The following CADPS2 variants were observed in gnomAD, a reference collection of about 807,000 sequenced individuals.
The protein encoded by CADPS2 is calcium dependent secretion activator 2.
A neutral mutation model predicts 172.5 loss-of-function variants in CADPS2; 93 were observed. The observed-to-expected ratio is 0.54, with a 90% CI of 0.46 to 0.64. CADPS2 has a LOEUF of 0.64. CADPS2 is among the 30% of genes least tolerant of loss of function. CADPS2 has a pLI of 0.00. For missense variants in CADPS2, 1,420 were observed against 1,565.9 expected, an observed-to-expected ratio of 0.91 and a Z score of 1.57; for synonymous variants, 546 against 555.2, an observed-to-expected ratio of 0.98 and a Z score of 0.23.
chr7:122,802,597 A>G (rs1300709584), intron 1 of CADPS2, among the ~76,000 whole-genome samples: 4 of 152,210 alleles, frequency 2.6e-5, no homozygotes, highest in Non-Finnish European at 4.4e-5. Context: ...ACAACTAAAC[A>G]ATGCTTACCC....
intron 5 of CADPS2, among the ~76,000 whole-genome samples, chr7:122,617,151 A>G (rs895837202): frequency 2.0e-5 from 3 of 152,154 alleles, no homozygotes; most frequent in African/African-American, 7.2e-5. Context: ...GCTACTGTAA[A>G]CATGACCTCC....
intron 2 of CADPS2, among the ~76,000 whole-genome samples, chr7:122,694,120 G>T (rs2084766775): frequency 1.3e-5 from 2 of 152,202 alleles, no homozygotes; most frequent in South Asian, 2.1e-4. Context: ...GTAGGCAAAT[G>T]ATATTGTAGG....
At chr7:122,589,893 A>C (rs929671367) in intron 6 of CADPS2, among the ~76,000 whole-genome samples, 1 of 151,920 alleles carries the variant, frequency 6.6e-6, no homozygotes, top group African/African-American at 2.4e-5. Flanking sequence ...AAAGGTTTGC[A>C]ATCATTTATT....
At chr7:122,629,129 G>A (rs1281824832) in intron 4 of CADPS2, 119 bp downstream of exon 4, 3 of 685,632 alleles carry the variant, frequency 4.4e-6, no homozygotes, top group East Asian at 2.9e-5. Flanking sequence ...GTGTAGAGGA[G>A]AAAATGTTAA....
intron 3 of CADPS2, among the ~76,000 whole-genome samples, chr7:122,632,496 T>G (rs1464307658): frequency 1.3e-5 from 2 of 152,180 alleles, no homozygotes; most frequent in East Asian, 3.9e-4. Flanking sequence ...TTTTGGCCAC[T>G]TGTACATCTT....
At chr7:122,395,799 GGATTT>G in intron 20 of CADPS2, among the ~76,000 whole-genome samples, 1 of 151,498 alleles carries the variant, frequency 6.6e-6, no homozygotes, top group East Asian at 1.9e-4. Flanking sequence ...CTACGAGGGA[GGATTT>G]TTTTTTTCTT....
intron 8 of CADPS2, among the ~76,000 whole-genome samples, chr7:122,548,377 AT>A (rs1352746364): frequency 1.3e-5 from 2 of 152,082 alleles, no homozygotes; most frequent in Non-Finnish European, 2.9e-5. Flanking sequence ...TGTCTAAAAA[AT>A]TTTTTTAAAT....
chr7:122,606,787 C>A (rs1323723450), intron 6 of CADPS2, among the ~76,000 whole-genome samples: 1 of 152,018 alleles, frequency 6.6e-6, no homozygotes, highest in Non-Finnish European at 1.5e-5. Flanking sequence ...CTTCAAGGAT[C>A]TTCCACCTTA....
intron 2 of CADPS2, among the ~76,000 whole-genome samples, chr7:122,671,856 C>A (rs1187495489): frequency 2.6e-5 from 4 of 152,288 alleles, no homozygotes; most frequent in Admixed American, 2.6e-4. Flanking sequence ...CTAGGGCAGA[C>A]TTTAAAGCTG....
intron 1 of CADPS2, among the ~76,000 whole-genome samples, chr7:122,866,063 A>G (rs1818239877): frequency 6.6e-6 from 1 of 152,238 alleles, no homozygotes; most frequent in African/African-American, 2.4e-5. Flanking sequence ...GTGACTGGGA[A>G]TGGGAAAAAG....
chr7:122,456,486 T>A (rs531135581), intron 14 of CADPS2, among the ~76,000 whole-genome samples: 1 of 152,146 alleles, frequency 6.6e-6, no homozygotes, highest in Non-Finnish European at 1.5e-5. Flanking sequence ...AAAGGCTTAA[T>A]ATATGAAAAA....
intron 6 of CADPS2, among the ~76,000 whole-genome samples, chr7:122,592,988 GAATAAATAAATA>G (rs141800604): frequency 9.4e-4 from 140 of 148,244 alleles, no homozygotes; most frequent in African/African-American, 3.3e-3. Flanking sequence ...GAAGTAAAAT[GAATAAATAAATA>G]AATAAATAAA....
chr7:122,325,661 T>C, intron 28 of CADPS2, 80 bp from the exon 29 acceptor site: 1 of 800,284 alleles, frequency 1.2e-6, no homozygotes, highest in Non-Finnish European at 2.1e-6. Context: ...ACAGATTCGA[T>C]AATGAGGGGG....
intron 17 of CADPS2, among the ~76,000 whole-genome samples, chr7:122,434,900 T>A (rs1047482892): frequency 1.3e-5 from 2 of 152,246 alleles, no homozygotes; most frequent in Non-Finnish European, 2.9e-5. Flanking sequence ...TCCTCTTTTC[T>A]TGTTGTAAGA....
At chr7:122,670,965 T>G (rs2081777492) in intron 2 of CADPS2, among the ~76,000 whole-genome samples, 1 of 152,024 alleles carries the variant, frequency 6.6e-6, no homozygotes, top group Admixed American at 6.6e-5. Context: ...ACAGGCCTTT[T>G]AAAAACCTCC....
rs139467709 is a variant in CADPS2 at position 122,619,281 on chromosome 7, T to C, written c.1104+2200A>G. On this transcript the variant is annotated intron_variant, in intron 5 of 29. Transcript: ENST00000449022. The stretch of plus-strand genomic sequence containing the variant: ...TTTACATATAAAGATAATGGTAGAT[T>C]TGTAAATTATAAAAGTTATTTGCTC... 2.2e-3 allele frequency among the ~76,000 whole-genome samples: 334 copies of C among 152,196 alleles called. 2 individuals are homozygous for C. The highest frequency in any genetic ancestry group is 7.7e-3 in the African/African-American group (318 of 41,524).
chr7:122,426,387 T>C (rs1175829654), intron 17 of CADPS2, among the ~76,000 whole-genome samples: 2 of 152,222 alleles, frequency 1.3e-5, no homozygotes, highest in Admixed American at 1.3e-4. Flanking sequence ...TCACTGTGAA[T>C]GTGTGTGCAT....
At chr7:122,464,654 A>C (rs2054902264) in intron 14 of CADPS2, among the ~76,000 whole-genome samples, 1 of 152,196 alleles carries the variant, frequency 6.6e-6, no homozygotes, top group East Asian at 1.9e-4. Flanking sequence ...AAAAACTCAT[A>C]ATCTCAGGCT....
chr7:122,725,997 A>G (rs1241827432), intron 2 of CADPS2, among the ~76,000 whole-genome samples: 1 of 151,856 alleles, frequency 6.6e-6, no homozygotes, highest in African/African-American at 2.4e-5. Flanking sequence ...TCTCCTAAAC[A>G]GTTTGAATTT....
Sources: gnomAD v4.1 joint callset for allele counts (sites outside exome capture counted in the v4.1 genomes callset) on GRCh38, gnomAD v4.1.1 for gene constraint, MANE v1.5 for transcripts, NCBI Gene and HGNC (gene_info 2026-07-23, HGNC 2026-07-21) for gene names.